NFIA: variants seen among roughly 807,000 people sequenced by gnomAD.
The protein encoded by NFIA is nuclear factor I A.
NFIA carries 8 observed loss-of-function variants against 62.8 expected under a neutral mutation model. That is an observed-to-expected ratio of 0.13 (90% CI 0.07 to 0.23). NFIA has a LOEUF of 0.23. Ranked by LOEUF, NFIA falls within the 10% of genes least tolerant of loss-of-function variation. The pLI, the probability that NFIA is intolerant of heterozygous loss-of-function variation, is 1.00. For synonymous variants in NFIA, 235 were observed against 238.1 expected, an observed-to-expected ratio of 0.99 and a Z score of 0.12; for missense variants, 410 against 642.1, an observed-to-expected ratio of 0.64 and a Z score of 3.91.
intron 5 of NFIA, 114 bp downstream of exon 5, chr1:61,352,681 A>G: frequency 1.1e-6 from 1 of 871,742 alleles, no homozygotes; most frequent in Admixed American, 2.0e-5. Flanking sequence ...AAGATAACAA[A>G]GTAGTGGGTT....
intron 2 of NFIA, among the ~76,000 whole-genome samples, chr1:61,173,637 G>A (rs1650123655): frequency 6.6e-6 from 1 of 152,130 alleles, no homozygotes; most frequent in Non-Finnish European, 1.5e-5. Flanking sequence ...TGATCCACCT[G>A]CCTCGGCCTC....
intron 2 of NFIA, among the ~76,000 whole-genome samples, chr1:61,209,240 A>AT (rs537098776): frequency 4.6e-5 from 7 of 152,036 alleles, no homozygotes; most frequent in South Asian, 2.1e-4. Flanking sequence ...AGATTTATAT[A>AT]TTTTGCCTTA....
intron 5 of NFIA, among the ~76,000 whole-genome samples, chr1:61,352,896 G>T (rs1662630741): frequency 6.6e-6 from 1 of 152,124 alleles, no homozygotes; most frequent in African/African-American, 2.4e-5. Flanking sequence ...GTTGGTTAGG[G>T]TTGGTGAGAT....
At chr1:61,257,341 T>G (rs998470956) in intron 2 of NFIA, among the ~76,000 whole-genome samples, 4 of 134,650 alleles carry the variant, frequency 3.0e-5, no homozygotes, top group Non-Finnish European at 4.8e-5. Context: ...TTTTTTTTTT[T>G]TTTTTTTTTT....
At chr1:61,239,871 G>T (rs1445129922) in intron 2 of NFIA, among the ~76,000 whole-genome samples, 1 of 152,008 alleles carries the variant, frequency 6.6e-6, no homozygotes. Flanking sequence ...GCAAATTCTG[G>T]GGTTTCCTCT....
In NFIA at chr1:61,200,696, C is replaced by A. The variant is rs545346828; in HGVS notation, c.560-76824C>A. Among the ~76,000 whole-genome samples, 3 of 152,170 alleles carry A rather than the reference C, an allele frequency of 2.0e-5. No homozygotes were observed. In the South Asian group the frequency reaches 6.2e-4, roughly 32 times the overall value. ...TCTAGAGTTGTTTACCTATTCAGTCCAGTGAATTATCACAACCACATAATT... is the reference window on the plus strand; with the variant it reads ...TCTAGAGTTGTTTACCTATTCAGTCAAGTGAATTATCACAACCACATAATT... On this transcript the variant is annotated intron_variant, in intron 2 of 10. Coordinates refer to ENST00000403491, the MANE Select transcript of NFIA (RefSeq NM_001134673.4).
At chr1:61,210,227 A>C (rs747213044) in intron 2 of NFIA, among the ~76,000 whole-genome samples, 2 of 152,214 alleles carry the variant, frequency 1.3e-5, no homozygotes, top group Non-Finnish European at 1.5e-5. Context: ...CAAGTGGAAT[A>C]AGATTGCAAA....
intron 3 of NFIA, among the ~76,000 whole-genome samples, chr1:61,308,835 G>A (rs906197142): frequency 6.6e-6 from 1 of 152,130 alleles, no homozygotes; most frequent in Non-Finnish European, 1.5e-5. Flanking sequence ...TTCTTGTCTT[G>A]ATTCAGAAGC....
At chr1:61,208,906 A>G (rs1176197835) in intron 2 of NFIA, among the ~76,000 whole-genome samples, 1 of 152,204 alleles carries the variant, frequency 6.6e-6, no homozygotes, top group East Asian at 1.9e-4. Context: ...TGGGCAGTCA[A>G]AGATACTTGT....
intron 2 of NFIA, among the ~76,000 whole-genome samples, chr1:61,131,325 AAC>A (rs761788356): frequency 2.0e-5 from 3 of 152,198 alleles, no homozygotes; most frequent in Non-Finnish European, 4.4e-5. Context: ...TATAATTAAA[AAC>A]AGTGTCTAGA....
At chr1:61,083,637 A>T (rs1010919075) in intron 1 of NFIA, among the ~76,000 whole-genome samples, 3 of 151,562 alleles carry the variant, frequency 2.0e-5, no homozygotes, top group African/African-American at 7.3e-5. Flanking sequence ...GGCCGAGACG[A>T]GCCCACGTTG....
chr1:61,198,815 A>G (rs148127067), intron 2 of NFIA, among the ~76,000 whole-genome samples: 2 of 152,284 alleles, frequency 1.3e-5, no homozygotes, highest in Admixed American at 6.5e-5. Flanking sequence ...GTGTGTCGCC[A>G]TATGTCACCA....
chr1:61,112,904 A>AT (rs1646729007), intron 2 of NFIA, among the ~76,000 whole-genome samples: 2 of 152,042 alleles, frequency 1.3e-5, no homozygotes, highest in South Asian at 4.1e-4. Context: ...AGAATTTAGG[A>AT]TTTTTTATTG....
Position 61,375,539 on chromosome 1 carries a change from C to T in NFIA, c.947-7698C>T, listed in dbSNP as rs868732656. On this transcript the variant is annotated intron_variant, in intron 6 of 10. Coordinates refer to ENST00000403491, the MANE Select transcript of NFIA (RefSeq NM_001134673.4). ...ATAAGATACATAAGTAGTACTCCCC[C>T]GCGCCCTCACCCAGAAGTAGGGATC... Among the ~76,000 whole-genome samples the T allele has an allele frequency of 3.3e-5, 5 of 152,136 alleles. No homozygotes were observed. The East Asian group carries it at 5.8e-4, about 18-fold the overall frequency.
intron 3 of NFIA, among the ~76,000 whole-genome samples, chr1:61,316,729 C>T (rs1487963064): frequency 6.6e-6 from 1 of 152,186 alleles, no homozygotes; most frequent in African/African-American, 2.4e-5. Context: ...AGGAAGTGGC[C>T]TGGATCATAA....
intron 2 of NFIA, among the ~76,000 whole-genome samples, chr1:61,098,468 T>C (rs1239592325): frequency 2.0e-5 from 3 of 152,198 alleles, no homozygotes; most frequent in Non-Finnish European, 2.9e-5. Context: ...TTAGTTGGCT[T>C]TCCTCCCCCT....
chr1:61,086,572 A>G (rs1250294930), intron 1 of NFIA, among the ~76,000 whole-genome samples: 1 of 152,142 alleles, frequency 6.6e-6, no homozygotes, highest in Non-Finnish European at 1.5e-5. Flanking sequence ...TGAAAGCTAA[A>G]CTTGAAACAT....
chr1:61,372,837 C>T (rs10489911), intron 6 of NFIA, among the ~76,000 whole-genome samples: 14,502 of 152,030 alleles, frequency 0.095, 896 homozygotes, highest in East Asian at 0.32. Flanking sequence ...GATCTTTTGG[C>T]TCATCTACCT....
chr1:61,138,376 A>G (rs1647257687), intron 2 of NFIA, among the ~76,000 whole-genome samples: 1 of 152,178 alleles, frequency 6.6e-6, no homozygotes, highest in Non-Finnish European at 1.5e-5. Flanking sequence ...AATTACAGGC[A>G]TGAGCCACTG....
Sources: gnomAD v4.1 joint callset for allele counts (sites outside exome capture counted in the v4.1 genomes callset) on GRCh38, gnomAD v4.1.1 for gene constraint, MANE v1.5 for transcripts, NCBI Gene and HGNC (gene_info 2026-07-23, HGNC 2026-07-21) for gene names.